The following FER variants were observed in gnomAD, a reference collection of about 807,000 sequenced individuals.
The protein encoded by FER is tyrosine-protein kinase Fer.
A neutral mutation model predicts 111.0 loss-of-function variants in FER; 63 were observed. That is an observed-to-expected ratio of 0.57 (90% CI 0.46 to 0.70). The LOEUF (loss-of-function observed/expected upper bound fraction) is 0.70. FER is among the 30% of genes least tolerant of loss of function. The probability of loss-of-function intolerance (pLI) is 0.00; values close to 1 mark genes in which losing one functional copy is unlikely to be tolerated. For synonymous variants in FER, 327 were observed against 313.9 expected (o/e 1.04, Z -0.44); for missense variants, 914 against 954.0 (o/e 0.96, Z 0.55).
At chr5:109,010,876 T>C (rs1766174617) in intron 13 of FER, among the ~76,000 whole-genome samples, 1 of 152,174 alleles carries the variant, frequency 6.6e-6, no homozygotes, top group African/African-American at 2.4e-5. Context: ...TTTTGAATAT[T>C]TTTGGCAAAA....
chr5:108,766,279 G>A (rs184340238), intron 1 of FER, among the ~76,000 whole-genome samples: 23 of 152,128 alleles, frequency 1.5e-4, no homozygotes, highest in Non-Finnish European at 2.2e-4. Flanking sequence ...GAATTTTATC[G>A]TTTTATATAA....
chr5:108,985,560 C>G (rs901828439), intron 13 of FER, among the ~76,000 whole-genome samples: 12 of 152,134 alleles, frequency 7.9e-5, no homozygotes, highest in African/African-American at 2.9e-4. Flanking sequence ...ACGCTGTACC[C>G]AGTGTGTAGT....
chr5:108,873,738 G>T (rs566774984), intron 8 of FER, among the ~76,000 whole-genome samples: 1 of 152,084 alleles, frequency 6.6e-6, no homozygotes, highest in Non-Finnish European at 1.5e-5. Context: ...CCTTGCCCTG[G>T]GTGATTTTAT....
At chr5:109,173,537 T>C (rs1160228457) in intron 17 of FER, among the ~76,000 whole-genome samples, 1 of 152,242 alleles carries the variant, frequency 6.6e-6, no homozygotes, top group East Asian at 1.9e-4. Flanking sequence ...CCCAGTGCTC[T>C]GTCATAACCT....
intron 5 of FER, among the ~76,000 whole-genome samples, chr5:108,854,547 A>G (rs1762817536): frequency 6.6e-6 from 1 of 152,204 alleles, no homozygotes; most frequent in South Asian, 2.1e-4. Flanking sequence ...CTGGAATGCA[A>G]TGCATGTATT....
At chr5:109,149,768 A>G (rs1044312425) in intron 17 of FER, among the ~76,000 whole-genome samples, 1 of 152,214 alleles carries the variant, frequency 6.6e-6, no homozygotes. Flanking sequence ...TAAAATTTCC[A>G]GGAACAGTAG....
chr5:109,062,542 T>C (rs972896408), intron 16 of FER, among the ~76,000 whole-genome samples: 1 of 150,820 alleles, frequency 6.6e-6, no homozygotes, highest in African/African-American at 2.5e-5. Flanking sequence ...AAAAAAAATA[T>C]ATATAACAAT....
chr5:108,894,396 T>C (rs1036695251), intron 9 of FER: 3 of 903,748 alleles, frequency 3.3e-6, no homozygotes, highest in African/African-American at 3.5e-5. Context: ...TAGCAACTGT[T>C]TGTGGACCTC....
intron 10 of FER, among the ~76,000 whole-genome samples, chr5:108,934,084 C>T (rs561813764): frequency 1.3e-5 from 2 of 152,160 alleles, no homozygotes; most frequent in South Asian, 4.2e-4. Context: ...ATTGCCCTGG[C>T]GAGAACTTTC....
chr5:109,014,336 G>A lies in FER; in HGVS notation c.1657-23086G>A, dbSNP rs1361582687. Among the ~76,000 whole-genome samples the A allele has an allele frequency of 3.3e-5, 5 of 152,314 alleles. No individual in the cohort carries two copies. The East Asian group carries it at 9.6e-4, about 29-fold the overall frequency. ...TTTTCCCAGCACCATTTATTAAATA[G>A]GGAATCCTTTCCCCATTGTTGTTTT... On this transcript the variant is annotated intron_variant, in intron 13 of 19. Transcript: ENST00000281092.
At chr5:108,852,378 A>G (rs912021939) in intron 5 of FER, among the ~76,000 whole-genome samples, 20 of 152,178 alleles carry the variant, frequency 1.3e-4, no homozygotes, top group African/African-American at 4.8e-4. Flanking sequence ...TTATGTTTAA[A>G]TAAGTCCACA....
chr5:108,885,111 G>A (rs1457070089), intron 9 of FER, among the ~76,000 whole-genome samples: 2 of 151,840 alleles, frequency 1.3e-5, no homozygotes, highest in African/African-American at 4.8e-5. Flanking sequence ...TTCCCTAAGT[G>A]ATCTGGTGAA....
At position 109,078,276 on chromosome 5, in the gene FER, T is replaced by G. The variant is rs576838457; in HGVS notation, c.1925-22120T>G. 1.3e-3 allele frequency among the ~76,000 whole-genome samples: 191 copies of G among 152,320 alleles called. 2 individuals carry two copies. The highest frequency in any genetic ancestry group is 1.9e-3 in the South Asian group (9 of 4,822). On this transcript the variant is annotated intron_variant, in intron 16 of 19. Coordinates refer to ENST00000281092, the MANE Select transcript of FER (RefSeq NM_005246.4). ...AATCTACAAACTGTCACACCAGTGGTAATCTTAAAAATAATGCTGTGGAGA... is the reference window on the plus strand; with the variant it reads ...AATCTACAAACTGTCACACCAGTGGGAATCTTAAAAATAATGCTGTGGAGA...
chr5:109,132,125 C>T (rs936385949), intron 17 of FER, among the ~76,000 whole-genome samples: 6 of 152,110 alleles, frequency 3.9e-5, no homozygotes, highest in African/African-American at 7.2e-5. Flanking sequence ...ACTTTGTTGT[C>T]GGCATTGGGA....
At chr5:109,051,836 A>T in intron 16 of FER, 10 of 1,597,094 alleles carry the variant, frequency 6.3e-6, no homozygotes, top group Non-Finnish European at 8.6e-6. Context: ...AAGATGATGA[A>T]GATGGTTTTC....
chr5:108,893,038 G>T (rs999829228), intron 9 of FER, among the ~76,000 whole-genome samples: 14 of 152,064 alleles, frequency 9.2e-5, no homozygotes, highest in African/African-American at 3.1e-4. Flanking sequence ...TCTCTGTTTT[G>T]GTACCAGTAC....
intron 5 of FER, among the ~76,000 whole-genome samples, chr5:108,863,227 C>G (rs1193268388): frequency 1.3e-5 from 2 of 152,096 alleles, no homozygotes; most frequent in Non-Finnish European, 2.9e-5. Flanking sequence ...TAAAGTGATT[C>G]TCCTGCCTCA....
At chr5:108,933,455 A>G (rs1754992063) in intron 10 of FER, among the ~76,000 whole-genome samples, 1 of 151,754 alleles carries the variant, frequency 6.6e-6, no homozygotes, top group South Asian at 2.1e-4. Flanking sequence ...TGGTCTATAT[A>G]TGTGTTTTGG....
At chr5:108,884,512 G>GTTTTTTTTTTTTTTTTTTTTTTTTTTT (rs776345488) in intron 9 of FER, among the ~76,000 whole-genome samples, 1 of 144,540 alleles carries the variant, frequency 6.9e-6, no homozygotes, top group African/African-American at 2.6e-5. Context: ...CTTATGCCTG[G>GTTTTTTTTTTTTTTTTTTTTTTTTTTT]TTTTTTTTTT....
Sources: gnomAD v4.1 joint callset for allele counts (sites outside exome capture counted in the v4.1 genomes callset) on GRCh38, gnomAD v4.1.1 for gene constraint, MANE v1.5 for transcripts, NCBI Gene and HGNC (gene_info 2026-07-23, HGNC 2026-07-21) for gene names.